The following PRELID2 variants were observed in gnomAD, a reference collection of about 807,000 sequenced individuals.
The protein encoded by PRELID2 is PRELI domain-containing protein 2.
In PRELID2, 25 loss-of-function variants were observed where a neutral mutation model predicts 28.4. The ratio of observed to expected loss-of-function variants is 0.88; its 90% CI spans 0.64 to 1.23. The LOEUF (loss-of-function observed/expected upper bound fraction) is 1.23, where lower values mean the gene tolerates loss of function less well. Among genes scored for constraint, PRELID2 ranks in the 50% most tolerant of loss-of-function variants. PRELID2 has a pLI of 0.00. For missense variants in PRELID2, 201 were observed against 214.4 expected, an observed-to-expected ratio of 0.94 and a Z score of 0.39; for synonymous variants, 76 against 71.6, an observed-to-expected ratio of 1.06 and a Z score of -0.31.
At chr5:145,736,437 C>T (rs946625149) in intron 1 of PRELID2, among the ~76,000 whole-genome samples, 1 of 152,066 alleles carries the variant, frequency 6.6e-6, no homozygotes, top group African/African-American at 2.4e-5. Flanking sequence ...GTGATATTAG[C>T]CTCAAGTGAC....
intron 1 of PRELID2, among the ~76,000 whole-genome samples, chr5:145,553,037 A>G (rs1441798864): frequency 6.6e-6 from 1 of 152,182 alleles, no homozygotes; most frequent in Non-Finnish European, 1.5e-5. Context: ...AGGTGTTGCT[A>G]TGTACTGGAC....
intron 1 of PRELID2, among the ~76,000 whole-genome samples, chr5:145,643,929 G>A (rs1302225272): frequency 6.6e-6 from 1 of 152,088 alleles, no homozygotes; most frequent in Admixed American, 6.5e-5. Flanking sequence ...ATTTTATTGA[G>A]GATTTTTGCA....
At chr5:145,621,156 A>G (rs73311576) in intron 1 of PRELID2, among the ~76,000 whole-genome samples, 5,116 of 152,328 alleles carry the variant, frequency 0.034, 256 homozygotes, top group African/African-American at 0.11. Flanking sequence ...AAGTAGATAT[A>G]CAAATGGCTA....
At chr5:145,561,775 A>G (rs1337101194) in intron 1 of PRELID2, among the ~76,000 whole-genome samples, 2 of 152,226 alleles carry the variant, frequency 1.3e-5, no homozygotes, top group Non-Finnish European at 2.9e-5. Flanking sequence ...TTTAAATTCA[A>G]TACATTTGCA....
chr5:145,234,702 C>T, the PRELID2 span, among the ~76,000 whole-genome samples: 7 of 152,106 alleles, frequency 4.6e-5, no homozygotes, highest in African/African-American at 1.7e-4. Flanking sequence ...TACTGAAGAC[C>T]TAGTCTACAT....
chr5:145,338,091 C>T, the PRELID2 span: 3 of 152,164 alleles, frequency 2.0e-5, no homozygotes, highest in South Asian at 2.1e-4. Context: ...CAAAACTTTA[C>T]ATTGAAATCT....
At chr5:145,421,870 A>C in the PRELID2 span, among the ~76,000 whole-genome samples, 1 of 149,328 alleles carries the variant, frequency 6.7e-6, no homozygotes, top group African/African-American at 2.5e-5. Context: ...GTGGGCATTT[A>C]GTGCTATAAA....
At chr5:145,572,887 T>C (rs1302498753) in intron 1 of PRELID2, among the ~76,000 whole-genome samples, 3 of 152,198 alleles carry the variant, frequency 2.0e-5, no homozygotes, top group Non-Finnish European at 2.9e-5. Context: ...TTTCAAACTC[T>C]TGTGGGGTAT....
chr5:145,465,263 C>G, the PRELID2 span, among the ~76,000 whole-genome samples: 3 of 152,150 alleles, frequency 2.0e-5, no homozygotes, highest in Non-Finnish European at 2.9e-5. Flanking sequence ...CCCCACCCAT[C>G]AAAGATTCTG....
chr5:145,743,106 G>A (rs554620404), intron 1 of PRELID2, among the ~76,000 whole-genome samples: 2 of 152,068 alleles, frequency 1.3e-5, no homozygotes, highest in African/African-American at 2.4e-5. Context: ...GGGTGATAGA[G>A]GCTCCTATGC....
At chr5:145,607,817 G>A (rs1232271425) in intron 1 of PRELID2, among the ~76,000 whole-genome samples, 1 of 152,152 alleles carries the variant, frequency 6.6e-6, no homozygotes. Context: ...CTGCTACGAT[G>A]ATTTGTCTAA....
intron 1 of PRELID2, among the ~76,000 whole-genome samples, chr5:145,833,704 C>T (rs1296300608): frequency 3.9e-5 from 6 of 152,206 alleles, no homozygotes; most frequent in African/African-American, 9.6e-5. Context: ...CCTCCTCTAA[C>T]GGAGGCTACA....
chr5:145,743,730 G>T (rs1416978079), intron 1 of PRELID2, among the ~76,000 whole-genome samples: 1 of 152,190 alleles, frequency 6.6e-6, no homozygotes, highest in Non-Finnish European at 1.5e-5. Flanking sequence ...GAGGGCTGGG[G>T]TCCCAACCCT....
chr5:145,427,443 T>C, the PRELID2 span, among the ~76,000 whole-genome samples: 1 of 152,176 alleles, frequency 6.6e-6, no homozygotes, highest in African/African-American at 2.4e-5. Flanking sequence ...TAAAATTGGA[T>C]TTGAAAGATG....
At chr5:145,774,585 C>T (rs1561592423) in intron 5 of PRELID2, among the ~76,000 whole-genome samples, 1 of 152,210 alleles carries the variant, frequency 6.6e-6, no homozygotes, top group African/African-American at 2.4e-5. Context: ...AGGCACCTCC[C>T]CACATTCAGC....
At chr5:145,320,397 A>G in the PRELID2 span, among the ~76,000 whole-genome samples, 1 of 151,802 alleles carries the variant, frequency 6.6e-6, no homozygotes, top group South Asian at 2.1e-4. Flanking sequence ...CAGCCTCCCA[A>G]GTAGCTGGGA....
the PRELID2 span, among the ~76,000 whole-genome samples, chr5:145,393,075 C>A: frequency 1.2e-4 from 19 of 152,310 alleles, no homozygotes; most frequent in African/African-American, 4.6e-4. Context: ...TATTTGATTT[C>A]TACTAATATG....
intron 1 of PRELID2, among the ~76,000 whole-genome samples, chr5:145,547,619 C>T (rs527740592): frequency 2.2e-4 from 33 of 152,060 alleles, no homozygotes; most frequent in Non-Finnish European, 4.3e-4. Context: ...CAAGTGATGT[C>T]TGATAAGATT....
At chr5:145,345,841 C>G in the PRELID2 span, among the ~76,000 whole-genome samples, 1 of 151,796 alleles carries the variant, frequency 6.6e-6, no homozygotes, top group African/African-American at 2.4e-5. Context: ...CCACCCCACA[C>G]ATATATGTAC....
Sources: allele counts gnomAD v4.1 joint callset (sites outside exome capture counted in the v4.1 genomes callset), GRCh38; gene constraint gnomAD v4.1.1; transcripts MANE v1.5; gene names NCBI Gene and HGNC (gene_info 2026-07-23, HGNC 2026-07-21).